Variants in RFX3 observed in about 807,000 individuals in gnomAD.
RFX3 encodes the protein regulatory factor X3.
In RFX3, 14 loss-of-function variants were observed where a neutral mutation model predicts 98.6. The observed-to-expected ratio is 0.14, with a 90% confidence interval of 0.09 to 0.22. The LOEUF is 0.22. Among genes scored for constraint, RFX3 ranks in the 10% least tolerant of loss-of-function variants. RFX3 has a pLI of 1.00. For synonymous variants in RFX3, 383 were observed against 328.4 expected (o/e 1.17, Z -1.80); for missense variants, 639 against 926.9 (o/e 0.69, Z 4.03).
chr9:3,353,484 A>G (rs1189869884), intron 2 of RFX3, among the ~76,000 whole-genome samples: 2 of 152,070 alleles, frequency 1.3e-5, no homozygotes, highest in Non-Finnish European at 2.9e-5. Flanking sequence ...TCTGAACTGC[A>G]CAAGTGTAAG....
At chr9:3,344,789 G>C (rs1297871720) in intron 3 of RFX3, 1 of 699,948 alleles carries the variant, frequency 1.4e-6, no homozygotes, top group Non-Finnish European at 2.6e-6. Flanking sequence ...AAAGGTCGAA[G>C]TGGCAGGCGT....
chr9:3,500,152 G>A (rs915696092), intron 1 of RFX3, among the ~76,000 whole-genome samples: 3 of 152,124 alleles, frequency 2.0e-5, no homozygotes, highest in African/African-American at 4.8e-5. Flanking sequence ...CAATAAAGGA[G>A]AGCTGAAGTA....
intron 4 of RFX3, among the ~76,000 whole-genome samples, chr9:3,315,231 T>C (rs939633484): frequency 1.3e-5 from 2 of 151,886 alleles, no homozygotes; most frequent in Non-Finnish European, 2.9e-5. Context: ...CACTCAAAAC[T>C]GCTCAACTAC....
At chr9:3,351,860 A>C (rs927035160) in intron 2 of RFX3, among the ~76,000 whole-genome samples, 1 of 151,980 alleles carries the variant, frequency 6.6e-6, no homozygotes, top group African/African-American at 2.4e-5. Flanking sequence ...AGTAATATAA[A>C]TAGGTTCTTT....
intron 4 of RFX3, among the ~76,000 whole-genome samples, chr9:3,318,043 A>T (rs537793019): frequency 6.6e-6 from 1 of 152,338 alleles, no homozygotes; most frequent in Admixed American, 6.5e-5. Flanking sequence ...AAGGAGTATA[A>T]ATCATGCTGC....
At chr9:3,506,283 G>A (rs1817087659) in intron 1 of RFX3, among the ~76,000 whole-genome samples, 3 of 150,882 alleles carry the variant, frequency 2.0e-5, no homozygotes, top group Non-Finnish European at 3.0e-5. Context: ...TCATACCTTC[G>A]CATAGTGCAA....
chr9:3,395,373 G>C, intron 2 of RFX3, 99 bp downstream of exon 2: 1 of 1,381,050 alleles, frequency 7.2e-7, no homozygotes, highest in South Asian at 1.3e-5. Context: ...GCCTATCATA[G>C]CAAGACAGTA....
intron 1 of RFX3, among the ~76,000 whole-genome samples, chr9:3,434,315 A>T (rs1844922449): frequency 6.6e-6 from 1 of 152,164 alleles, no homozygotes; most frequent in African/African-American, 2.4e-5. Context: ...ACTCTGCCTT[A>T]TATCATTATT....
chr9:3,395,165 G>A (rs1392029046), intron 2 of RFX3, among the ~76,000 whole-genome samples: 1 of 152,190 alleles, frequency 6.6e-6, no homozygotes, highest in East Asian at 1.9e-4. Context: ...ACAATGAGGA[G>A]AGAAGAGAAG....
At chr9:3,489,253 G>T (rs1386538003) in intron 1 of RFX3, 1 of 167,908 alleles carries the variant, frequency 6.0e-6, no homozygotes, top group Non-Finnish European at 1.2e-5. Flanking sequence ...TAATTTGGAT[G>T]CAAACATAAC....
intron 6 of RFX3, among the ~76,000 whole-genome samples, chr9:3,289,594 G>T (rs746440311): frequency 1.3e-5 from 2 of 152,088 alleles, no homozygotes; most frequent in African/African-American, 2.4e-5. Flanking sequence ...AGAGGAAAAT[G>T]ATGTCTCTCT....
intron 15 of RFX3, among the ~76,000 whole-genome samples, chr9:3,232,236 A>G (rs1188092503): frequency 2.6e-5 from 4 of 152,138 alleles, no homozygotes; most frequent in Non-Finnish European, 5.9e-5. Context: ...AGAGGGGGCT[A>G]CTCTTCACTG....
At chr9:3,277,486 C>A in intron 7 of RFX3, 25 bp from the exon 8 acceptor site, 2 of 1,601,346 alleles carry the variant, frequency 1.2e-6, no homozygotes, top group African/African-American at 1.3e-5. Context: ...TGGAAAAAAA[C>A]AAATAAACCA....
chr9:3,501,325 TATAA>T (rs1247734859), intron 1 of RFX3, among the ~76,000 whole-genome samples: 2 of 152,090 alleles, frequency 1.3e-5, no homozygotes, highest in Admixed American at 6.5e-5. Context: ...TTCTTTGATA[TATAA>T]ATAGAGTTGG....
At position 3,222,087 on chromosome 9, in the gene RFX3, C is replaced by G. The variant is rs1817367133; in HGVS notation, c.*2955G>C. On this transcript the variant is annotated 3_prime_UTR_variant, in exon 17 of 17. Transcript: ENST00000617270. ...AATAAATGTGATTGCTCAATTTGCT[C>G]AAATGTATAAATTGTTTTTATTTTC... The G allele has an allele frequency of 6.6e-6, 1 of 152,168 alleles. No homozygotes were observed. Among genetic ancestry groups the G allele is most frequent in the Non-Finnish European group, 1.5e-5 (1 of 67,960 alleles). The allele number at this position is 152,168 out of a possible 1,614,324, so 9.4% of individuals were successfully genotyped here. A position where few individuals can be genotyped will look rare whatever the true frequency, so the allele number is the denominator to read the frequency against.
chr9:3,256,005 C>T (rs925702568), intron 14 of RFX3, among the ~76,000 whole-genome samples: 1 of 151,722 alleles, frequency 6.6e-6, no homozygotes, highest in Non-Finnish European at 1.5e-5. Flanking sequence ...CTCGCTCTGT[C>T]GCCTAGGCTG....
chr9:3,377,855 C>T (rs754023485), intron 2 of RFX3, among the ~76,000 whole-genome samples: 22 of 151,944 alleles, frequency 1.4e-4, no homozygotes, highest in Non-Finnish European at 2.5e-4. Flanking sequence ...GATTTTATTG[C>T]GTGTAAATTA....
intron 15 of RFX3, among the ~76,000 whole-genome samples, chr9:3,244,033 G>A (rs1438927636): frequency 2.0e-5 from 3 of 146,484 alleles, no homozygotes; most frequent in Non-Finnish European, 4.5e-5. Context: ...ATGGAGTCCC[G>A]CTTTGTCGCC....
intron 2 of RFX3, among the ~76,000 whole-genome samples, chr9:3,363,167 G>C (rs1326016806): frequency 6.6e-6 from 1 of 152,182 alleles, no homozygotes; most frequent in African/African-American, 2.4e-5. Flanking sequence ...GTGGTGACCA[G>C]AAAGAGCAAA....
Sources: gnomAD v4.1 joint callset for allele counts (sites outside exome capture counted in the v4.1 genomes callset) on GRCh38, gnomAD v4.1.1 for gene constraint, MANE v1.5 for transcripts, NCBI Gene and HGNC (gene_info 2026-07-23, HGNC 2026-07-21) for gene names.